Variants in LETM2 observed in about 807,000 individuals in gnomAD.
The protein encoded by LETM2 is LETM1 domain-containing protein LETM2, mitochondrial.
A neutral mutation model predicts 59.6 loss-of-function variants in LETM2; 58 were observed. The observed-to-expected ratio is 0.97, with a 90% CI of 0.79 to 1.21. LETM2 has a LOEUF of 1.21. Ranked by LOEUF, LETM2 falls within the 50% of genes most tolerant of loss-of-function variation. The pLI is 0.00. For synonymous variants in LETM2, 199 were observed against 214.1 expected (o/e 0.93, Z 0.62); for missense variants, 572 against 575.7 (o/e 0.99, Z 0.07).
chr8:38,406,915 C>T (rs1217876687), intron 8 of LETM2, 31 bp from the exon 9 acceptor site: 3 of 1,450,804 alleles, frequency 2.1e-6, no homozygotes, highest in Non-Finnish European at 2.9e-6. Context: ...GAGCAGAAAG[C>T]TTATGATACA....
intron 4 of LETM2, among the ~76,000 whole-genome samples, chr8:38,397,499 A>G (rs909524536): frequency 6.6e-6 from 1 of 152,220 alleles, no homozygotes; most frequent in Admixed American, 6.5e-5. Flanking sequence ...CAGTGGCATA[A>G]GAGAGTATGA....
chr8:38,407,262 G>C, intron 9 of LETM2, 100 bp from the exon 10 acceptor site: 1 of 971,158 alleles, frequency 1.0e-6, no homozygotes, highest in South Asian at 1.3e-5. Flanking sequence ...CAGGATATGA[G>C]GTAGTTGTGA....
chr8:38,395,697 G>T (rs1812628666), intron 4 of LETM2, among the ~76,000 whole-genome samples: 1 of 151,998 alleles, frequency 6.6e-6, no homozygotes, highest in Non-Finnish European at 1.5e-5. Context: ...TGTATTTTTA[G>T]TAGAGATAGG....
chr8:38,407,208 C>T, intron 9 of LETM2, 154 bp from the exon 10 acceptor site: 1 of 735,430 alleles, frequency 1.4e-6, no homozygotes, highest in Non-Finnish European at 2.3e-6. Context: ...TAATATTTGG[C>T]TACACGTAAT....
At chr8:38,401,197 C>T (rs890510685) in intron 6 of LETM2, 144 bp downstream of exon 6, 8 of 675,186 alleles carry the variant, frequency 1.2e-5, no homozygotes, top group Middle Eastern at 4.2e-4. Context: ...GCTGCAGTGG[C>T]GCAATCCTGG....
upstream of LETM2, chr8:38,382,891 TC>T: frequency 6.6e-6 from 1 of 152,050 alleles, no homozygotes; most frequent in Non-Finnish European, 1.5e-5. The surrounding 1 kb of genome is among the most constrained non-coding windows in gnomAD (Gnocchi z 4.2). Flanking sequence ...ATGGTCCCCC[TC>T]CCCCGGTTGC....
At position 38,406,929 on chromosome 8, in the gene LETM2, A is replaced by G; in HGVS notation, c.1219-17A>G. On this transcript the variant is annotated splice_polypyrimidine_tract_variant and intron_variant, in intron 8 of 10. Coordinates refer to ENST00000379957, the MANE Select transcript of LETM2 (RefSeq NM_001286819.2). ...AGAGCAGAAAGCTTATGATACATAAAATGTTTATCTCCCCAGGCTCCAAAG... is the reference window on the plus strand; with the variant it reads ...AGAGCAGAAAGCTTATGATACATAAGATGTTTATCTCCCCAGGCTCCAAAG... 1 of 1,544,680 alleles carries G rather than the reference A, an allele frequency of 6.5e-7. No homozygotes were observed. Among genetic ancestry groups the G allele is most frequent in the Non-Finnish European group, 8.9e-7 (1 of 1,119,176 alleles).
intron 2 of LETM2, among the ~76,000 whole-genome samples, chr8:38,391,300 G>GTTTTT (rs761566202): frequency 3.0e-4 from 33 of 109,156 alleles, no homozygotes; most frequent in East Asian, 5.5e-4. Context: ...TTTTATTTTA[G>GTTTTT]TTTTTTTTTT....
At chr8:38,407,933 A>G in intron 10 of LETM2, 1 of 422,538 alleles carries the variant, frequency 2.4e-6, no homozygotes, top group Non-Finnish European at 4.4e-6. Flanking sequence ...AGGTTGTGGG[A>G]GAGTTGAAGT....
chr8:38,391,212 C>CAAAA (rs1381418029), intron 2 of LETM2, among the ~76,000 whole-genome samples: 30 of 120,048 alleles, frequency 2.5e-4, no homozygotes, highest in East Asian at 7.9e-4. Context: ...AAAAAAAAAC[C>CAAAA]AAAAAACTGA....
At chr8:38,400,536 T>C (rs1261081969) in intron 5 of LETM2, 127 bp downstream of exon 5, 1 of 888,732 alleles carries the variant, frequency 1.1e-6, no homozygotes, top group Admixed American at 2.8e-5. Context: ...TATGAACATA[T>C]AATATTGTAA....
chr8:38,383,336 G>T (rs1811652741), upstream of LETM2: 3 of 152,352 alleles, frequency 2.0e-5, no homozygotes. Context: ...CCTGGGGCCT[G>T]GTGATAAGGA....
chr8:38,402,774 G>A, intron 7 of LETM2, 130 bp downstream of exon 7: 2 of 842,896 alleles, frequency 2.4e-6, no homozygotes, highest in Non-Finnish European at 3.7e-6. Flanking sequence ...TTGAGCAGTG[G>A]GATGCTGAAG....
In LETM2 at chr8:38,408,318, C is replaced by A. The variant is rs367636322; in HGVS notation, c.*44C>A. On this transcript the variant is annotated 3_prime_UTR_variant, in exon 11 of 11. Coordinates refer to ENST00000379957, the MANE Select transcript of LETM2 (RefSeq NM_001286819.2). ...AGCTCACTCTCTTCAGCTTCCGGCCCTCAACAGTGGCATCTGTAAAGGACC... is the reference window on the plus strand; with the variant it reads ...AGCTCACTCTCTTCAGCTTCCGGCCATCAACAGTGGCATCTGTAAAGGACC... 24 of 1,534,182 alleles carry A rather than the reference C, an allele frequency of 1.6e-5. No homozygotes were observed. The highest frequency in any genetic ancestry group is 8.2e-5 in the African/African-American group (6 of 73,462).
In LETM2 at chr8:38,402,576, G is replaced by C. The variant is rs1455867093; in HGVS notation, c.1036G>C (p.Ala346Pro). Residue 346 changes from alanine to proline, a missense_variant, in exon 7 of 11, where the codon GCC (alanine) becomes CCC (proline). Transcript: ENST00000379957. ...TALSVSELQAACRARGMRSLG... is the reference protein window; with the variant it reads ...TALSVSELQAPCRARGMRSLG... ...ATTGAGTGTATCAGAACTACAGGCT[G>C]CCTGTAGGGCCCGAGGGATGAGATC... 1.2e-6 allele frequency: 2 copies of C among 1,614,054 alleles called. No homozygotes were observed. Among genetic ancestry groups the C allele is most frequent in the South Asian group, 2.2e-5 (2 of 91,088 alleles).
chr8:38,400,941 G>A lies in LETM2; in HGVS notation c.872G>A (p.Arg291His), dbSNP rs533338214. The change falls in exon 6 of 11, where the codon CGC (arginine) becomes CAC (histidine). Residue 291 changes from arginine (R) to histidine (H), a missense_variant. Arg to His is a conservative substitution (Grantham distance 29). Coordinates refer to ENST00000379957, the MANE Select transcript of LETM2 (RefSeq NM_001286819.2). ...EDQLALEHLD[R>H]PQLVALCKLL... ...CAGCTGGCCCTGGAACACTTAGATCGCCCTCAGCTGGTTGCCCTTTGCAAA... is the reference window on the plus strand; with the variant it reads ...CAGCTGGCCCTGGAACACTTAGATCACCCTCAGCTGGTTGCCCTTTGCAAA... 45 of 1,614,088 alleles carry A rather than the reference G, an allele frequency of 2.8e-5. No individual in the cohort carries two copies. The highest frequency in any genetic ancestry group is 1.6e-4 in the South Asian group (15 of 91,082).
chr8:38,404,511 G>C lies in LETM2; in HGVS notation c.1218+5G>C. 3.1e-6 allele frequency: 5 copies of C among 1,594,010 alleles called. No homozygotes were observed. The highest frequency in any genetic ancestry group is 4.3e-6 in the Non-Finnish European group (5 of 1,161,830). ...GAGATACCACTCAGTGGGGAGGTGA[G>C]TACCTGGGTTAATGGGGACCCTCGA... is the stretch of plus-strand genomic sequence containing the variant. On this transcript the variant is annotated splice_donor_5th_base_variant and intron_variant, in intron 8 of 10. Transcript: ENST00000379957.
At chr8:38,400,685 G>A in intron 5 of LETM2, 168 bp from the exon 6 acceptor site, 1 of 694,980 alleles carries the variant, frequency 1.4e-6, no homozygotes, top group South Asian at 1.9e-5. Flanking sequence ...TTTTTCAGCT[G>A]ATGTAGTTTG....
intron 9 of LETM2, 152 bp downstream of exon 9, chr8:38,407,190 A>G (rs1257746298): frequency 2.8e-6 from 2 of 720,514 alleles, no homozygotes; most frequent in Non-Finnish European, 4.7e-6. Context: ...TTGATCTAAG[A>G]GGAAGCTTAA....
Sources: allele counts gnomAD v4.1 joint callset (sites outside exome capture counted in the v4.1 genomes callset), GRCh38; gene constraint gnomAD v4.1.1; non-coding constraint Gnocchi (gnomAD v3.1); transcripts MANE v1.5; gene names NCBI Gene and HGNC (gene_info 2026-07-23, HGNC 2026-07-21).